The following MFHAS1 variants were observed in gnomAD, a reference collection of about 807,000 sequenced individuals.
MFHAS1 encodes the protein multifunctional ROCO family signaling regulator 1, also known as malignant fibrous histiocytoma-amplified sequence 1.
A neutral mutation model predicts 70.4 loss-of-function variants in MFHAS1; 50 were observed. The observed-to-expected ratio is 0.71, with a 90% CI of 0.57 to 0.90. The LOEUF (loss-of-function observed/expected upper bound fraction) is 0.90. Among genes scored for constraint, MFHAS1 ranks in the 40% least tolerant of loss-of-function variants. The probability of loss-of-function intolerance (pLI) is 0.00; values close to 1 mark genes in which losing one functional copy is unlikely to be tolerated. For missense variants in MFHAS1, 1,795 were observed against 1,347.6 expected, an observed-to-expected ratio of 1.33 and a Z score of -5.20; for synonymous variants, 952 against 620.0, an observed-to-expected ratio of 1.54 and a Z score of -7.96.
At chr8:8,786,137 T>A in intron 2 of MFHAS1, 82 bp from the exon 3 acceptor site, 1 of 1,275,738 alleles carries the variant, frequency 7.8e-7, no homozygotes, top group South Asian at 1.2e-5. Flanking sequence ...AAGGAAGTGA[T>A]GATAGAAATC....
At chr8:8,802,141 A>G (rs1213314881) in intron 1 of MFHAS1, among the ~76,000 whole-genome samples, 1 of 152,194 alleles carries the variant, frequency 6.6e-6, no homozygotes, top group Admixed American at 6.5e-5. Flanking sequence ...GTACCATCTC[A>G]GTCTTCACAA....
chr8:8,846,261 A>T, intron 1 of MFHAS1, among the ~76,000 whole-genome samples: 1 of 61,180 alleles, frequency 1.6e-5, no homozygotes, highest in East Asian at 8.9e-4. Flanking sequence ...TCCAAAAAAA[A>T]GGGGGGGGGG....
intron 1 of MFHAS1, among the ~76,000 whole-genome samples, chr8:8,838,181 T>C (rs1290301913): frequency 6.6e-6 from 1 of 152,232 alleles, no homozygotes; most frequent in East Asian, 1.9e-4. Context: ...TTAGGATTTC[T>C]ACGAAGCTCT....
chr8:8,864,738 G>A (rs1206109687), intron 1 of MFHAS1, among the ~76,000 whole-genome samples: 3 of 152,106 alleles, frequency 2.0e-5, no homozygotes, highest in African/African-American at 4.8e-5. Context: ...CTTGAACTTG[G>A]GGTCACTTGG....
rs1265075505 is a variant in MFHAS1 at position 8,785,210 on chromosome 8, A to G, written c.*812T>C. On this transcript the variant is annotated 3_prime_UTR_variant, in exon 3 of 3. Coordinates refer to ENST00000276282, the MANE Select transcript of MFHAS1 (RefSeq NM_004225.3). ...TGAGTGTGCCCCATCTCTGCCCAGC[A>G]CTAATAACACGTTGGAAGAGCAAAG... 4 of 152,146 alleles carry G rather than the reference A, an allele frequency of 2.6e-5. No individual in the cohort carries two copies. The highest frequency in any genetic ancestry group is 9.7e-5 in the African/African-American group (4 of 41,428). The allele number at this position is 152,146 out of a possible 1,614,324, so 9.4% of individuals were successfully genotyped here. A position where few individuals can be genotyped will look rare whatever the true frequency, so the allele number is the denominator to read the frequency against.
intron 1 of MFHAS1, among the ~76,000 whole-genome samples, chr8:8,801,004 C>A (rs1273296278): frequency 1.3e-5 from 2 of 152,020 alleles, no homozygotes; most frequent in African/African-American, 4.8e-5. Context: ...TCACAAGGTC[C>A]GGACATCGAG....
intron 1 of MFHAS1, among the ~76,000 whole-genome samples, chr8:8,832,639 T>C (rs1215863937): frequency 6.8e-6 from 1 of 147,678 alleles, no homozygotes; most frequent in African/African-American, 2.5e-5. Flanking sequence ...TTTTTTTTTT[T>C]TTTTTTCAAG....
chr8:8,786,214 T>G (rs921362711), intron 2 of MFHAS1, among the ~76,000 whole-genome samples, 159 bp from the exon 3 acceptor site: 1 of 152,206 alleles, frequency 6.6e-6, no homozygotes, highest in African/African-American at 2.4e-5. Flanking sequence ...GTCAGGCAAC[T>G]TATGTCCCCA....
At chr8:8,824,039 A>G (rs928523079) in intron 1 of MFHAS1, among the ~76,000 whole-genome samples, 2 of 150,462 alleles carry the variant, frequency 1.3e-5, no homozygotes, top group Non-Finnish European at 2.9e-5. Context: ...TTCCCTACTT[A>G]GCAAAAACAG....
chr8:8,833,138 C>T (rs1298332896), intron 1 of MFHAS1, among the ~76,000 whole-genome samples: 3 of 152,086 alleles, frequency 2.0e-5, no homozygotes, highest in Non-Finnish European at 1.5e-5. Context: ...TGAGAATTCA[C>T]CATCGTGACA....
chr8:8,832,768 A>G (rs1331661661), intron 1 of MFHAS1, among the ~76,000 whole-genome samples: 1 of 151,816 alleles, frequency 6.6e-6, no homozygotes, highest in Non-Finnish European at 1.5e-5. Flanking sequence ...CGCCGAGACT[A>G]CAGGCACATG....
At chr8:8,815,303 T>A (rs995156295) in intron 1 of MFHAS1, among the ~76,000 whole-genome samples, 1 of 152,198 alleles carries the variant, frequency 6.6e-6, no homozygotes, top group Non-Finnish European at 1.5e-5. Context: ...TCTTTGTTAT[T>A]GTGAATAGTG....
intron 1 of MFHAS1, among the ~76,000 whole-genome samples, chr8:8,854,153 C>G (rs1191616287): frequency 2.6e-5 from 4 of 152,002 alleles, no homozygotes; most frequent in African/African-American, 7.2e-5. Flanking sequence ...TCCCAGCACT[C>G]TAGGAGGCCA....
chr8:8,836,731 G>C (rs1226981857), intron 1 of MFHAS1, among the ~76,000 whole-genome samples: 2 of 152,136 alleles, frequency 1.3e-5, no homozygotes, highest in African/African-American at 4.8e-5. Flanking sequence ...CTCTATCCAT[G>C]AACTCAAGGT....
Position 8,891,571 on chromosome 8 carries a change from G to C in MFHAS1, c.1488C>G (p.Ala496=). The C allele has an allele frequency of 6.2e-7, 1 of 1,613,224 alleles. No homozygotes were observed. Among genetic ancestry groups the C allele is most frequent in the Non-Finnish European group, 8.5e-7 (1 of 1,180,026 alleles). The change falls in exon 1 of 3, where the codon GCC becomes GCG. Residue 496 remains alanine, a synonymous_variant. Transcript: ENST00000276282. The surrounding 1 kb of genome is among the most constrained non-coding windows in gnomAD (Gnocchi z 5.4). Reference sequence around the variant, plus strand: ...CCAAGTTGACCACCAGCACGTATAGGGCCCCTGGGGACAGGAAGAAGGGCT... The same window carrying C: ...CCAAGTTGACCACCAGCACGTATAGCGCCCCTGGGGACAGGAAGAAGGGCT... The part of the protein sequence containing the change: ...VIQPFFLSPG[A]LYVLVVNLAT...
chr8:8,817,586 C>T (rs551296623), intron 1 of MFHAS1, among the ~76,000 whole-genome samples: 11 of 152,352 alleles, frequency 7.2e-5, no homozygotes, highest in Admixed American at 2.6e-4. Flanking sequence ...CATCCCAGCC[C>T]GCAGATGGGG....
At chr8:8,844,269 T>C (rs1807946023) in intron 1 of MFHAS1, among the ~76,000 whole-genome samples, 1 of 152,226 alleles carries the variant, frequency 6.6e-6, no homozygotes, top group Non-Finnish European at 1.5e-5. Flanking sequence ...TCTAAGTCAG[T>C]TAATCATTGT....
intron 1 of MFHAS1, among the ~76,000 whole-genome samples, chr8:8,810,806 G>T (rs1477516225): frequency 6.6e-6 from 1 of 152,166 alleles, no homozygotes; most frequent in Non-Finnish European, 1.5e-5. Flanking sequence ...ACCCCGAGTT[G>T]TTCAAGGGTC....
chr8:8,862,420 A>C (rs1808701557), intron 1 of MFHAS1, among the ~76,000 whole-genome samples: 1 of 150,348 alleles, frequency 6.7e-6, no homozygotes, highest in African/African-American at 2.5e-5. Flanking sequence ...TATATTTTTC[A>C]AATATTTTCT....
Sources: gnomAD v4.1 joint callset for allele counts (sites outside exome capture counted in the v4.1 genomes callset) on GRCh38, gnomAD v4.1.1 for gene constraint, Gnocchi (gnomAD v3.1) non-coding constraint, MANE v1.5 for transcripts, NCBI Gene and HGNC (gene_info 2026-07-23, HGNC 2026-07-21) for gene names.